Variants in SYT14 observed in about 807,000 individuals in gnomAD.
The protein encoded by SYT14 is synaptotagmin-14.
SYT14 carries 32 observed loss-of-function variants against 74.2 expected under a neutral mutation model. That is an observed-to-expected ratio of 0.43 (90% CI 0.33 to 0.58). The LOEUF (loss-of-function observed/expected upper bound fraction) is 0.58. Ranked by LOEUF, SYT14 falls within the 20% of genes least tolerant of loss-of-function variation. The pLI, the probability that SYT14 is intolerant of heterozygous loss-of-function variation, is 0.05. For synonymous variants in SYT14, 298 were observed against 337.7 expected (o/e 0.88, Z 1.29); for missense variants, 791 against 981.8 (o/e 0.81, Z 2.60).
intron 2 of SYT14, among the ~76,000 whole-genome samples, chr1:210,004,447 G>C (rs560909759): frequency 6.6e-6 from 1 of 151,938 alleles, no homozygotes; most frequent in African/African-American, 2.4e-5. Context: ...ACTGAAAGAC[G>C]TGTCATGGTA....
At chr1:209,972,692 T>G (rs1366520353) in intron 2 of SYT14, among the ~76,000 whole-genome samples, 1 of 152,226 alleles carries the variant, frequency 6.6e-6, no homozygotes, top group Admixed American at 6.5e-5. Flanking sequence ...CTGTTTTTAT[T>G]TCACTGTGAT....
rs957162261 is a variant in SYT14, at chr1:210,078,235, G to A, written c.1313-16087G>A. On this transcript the variant is annotated intron_variant, in intron 5 of 9. Transcript: ENST00000637265. ...TGAGGCAGGAGAATGGCGTGAACCC[G>A]GGAGGCAGAGCTTGCAGTGAGCTGA... Among the ~76,000 whole-genome samples, 8 of 141,778 alleles carry A rather than the reference G, an allele frequency of 5.6e-5. No homozygotes were observed. In the East Asian group the frequency reaches 1.1e-3, roughly 19 times the overall value. 93.0% of individuals were successfully genotyped at this position (141,778 alleles called of 152,430 possible).
At chr1:210,035,295 C>T (rs1425333544) in intron 5 of SYT14, among the ~76,000 whole-genome samples, 2 of 151,540 alleles carry the variant, frequency 1.3e-5, no homozygotes, top group African/African-American at 4.8e-5. Context: ...TTGCATTCCT[C>T]GTAGATTCTG....
chr1:210,166,254 C>A (rs1357617113), exon 10 of SYT14: 2 of 152,178 alleles, frequency 1.3e-5, no homozygotes, highest in Non-Finnish European at 2.9e-5. Flanking sequence ...ACTGTAGTAT[C>A]CTTAAGAATT....
At chr1:209,975,021 A>G (rs963209234) in intron 2 of SYT14, among the ~76,000 whole-genome samples, 14 of 152,110 alleles carry the variant, frequency 9.2e-5, no homozygotes, top group African/African-American at 3.4e-4. Context: ...TTTGTCTGTT[A>G]TTGGTGTATA....
intron 2 of SYT14, among the ~76,000 whole-genome samples, chr1:209,954,751 G>C (rs1035087403): frequency 5.3e-5 from 8 of 150,592 alleles, no homozygotes; most frequent in Non-Finnish European, 8.9e-5. Context: ...TGTCTCCCAG[G>C]CTGGAATGCA....
rs4844940 is a variant in SYT14 at position 210,016,759 on chromosome 1, C to T, written c.756C>T (p.Pro252=). The change falls in exon 4 of 10, where the codon CCC becomes CCT. Residue 252 remains proline (P), a synonymous_variant. Transcript: ENST00000637265. ...ATTTCAATAAATGTAAACATCTTCC[C>T]GATTTAGGGCATTCAGATCATTTAA... 32,559 of 1,231,594 alleles carry T rather than the reference C, an allele frequency of 0.026. 3,937 individuals carry two copies. In the East Asian group the frequency reaches 0.41, roughly 15 times the overall value. 76.3% of individuals were successfully genotyped at this position (1,231,594 alleles called of 1,614,324 possible).
Position 210,021,066 on chromosome 1 carries a change from A to C in SYT14, c.1124A>C (p.His375Pro), listed in dbSNP as rs1317689894. 3.1e-6 allele frequency: 5 copies of C among 1,613,994 alleles called. No individual in the cohort carries two copies. The African/African-American group carries it at 4.0e-5, about 13-fold the overall frequency. Residue 375 changes from histidine (H) to proline (P), a missense_variant, in exon 5 of 10, where the codon CAT (histidine) becomes CCT (proline). Physicochemically the swap from His to Pro is moderately conservative, Grantham distance 77. Coordinates refer to ENST00000637265, the Ensembl canonical transcript of SYT14. Reference sequence around the variant, plus strand: ...AATTCCTACATGGACAAAGATGAGCATGGTTCATCCTCTGAAAGTGAAGAT... The same window carrying C: ...AATTCCTACATGGACAAAGATGAGCCTGGTTCATCCTCTGAAAGTGAAGAT...
chr1:209,974,531 G>A (rs1416030676), intron 2 of SYT14, among the ~76,000 whole-genome samples: 1 of 152,120 alleles, frequency 6.6e-6, no homozygotes, highest in Non-Finnish European at 1.5e-5. Context: ...TAGATATGTG[G>A]CATTATTTCT....
intron 7 of SYT14, among the ~76,000 whole-genome samples, chr1:210,141,249 G>C (rs957077635): frequency 2.0e-5 from 3 of 152,062 alleles, no homozygotes; most frequent in African/African-American, 7.2e-5. Context: ...AAATTTTACA[G>C]TTTTGTTAAA....
At chr1:210,144,884 T>A (rs1206178368) in intron 7 of SYT14, among the ~76,000 whole-genome samples, 1 of 152,112 alleles carries the variant, frequency 6.6e-6, no homozygotes, top group Non-Finnish European at 1.5e-5. Context: ...AGCTCACACT[T>A]CCCCCAGGTG....
At chr1:209,978,634 T>G (rs1000204200) in intron 2 of SYT14, among the ~76,000 whole-genome samples, 2 of 152,184 alleles carry the variant, frequency 1.3e-5, no homozygotes, top group African/African-American at 4.8e-5. Flanking sequence ...TGCCTCCCAG[T>G]AAGGCTACCC....
intron 7 of SYT14, among the ~76,000 whole-genome samples, chr1:210,130,469 A>G (rs954730669): frequency 1.3e-5 from 2 of 152,190 alleles, no homozygotes; most frequent in African/African-American, 4.8e-5. Flanking sequence ...GTGGCATTGA[A>G]GATATTAGAA....
At chr1:210,139,090 A>T (rs1016985737) in intron 7 of SYT14, among the ~76,000 whole-genome samples, 3 of 135,176 alleles carry the variant, frequency 2.2e-5, no homozygotes, top group Non-Finnish European at 4.8e-5. Context: ...GAGTACTTTT[A>T]TTTTTTTTTT....
rs149207538 is a variant in SYT14, at chr1:210,081,988, A to G, written c.1313-12334A>G. ...TCAGTTGTGGAAATTCCTCGATGCT[A>G]TTTGTAGAGAGAAAAGTTAACGTTA... is the stretch of plus-strand genomic sequence containing the variant. On this transcript the variant is annotated intron_variant, in intron 5 of 9. Transcript: ENST00000637265. 1.3e-3 allele frequency among the ~76,000 whole-genome samples: 197 copies of G among 152,288 alleles called. No individual in the cohort carries two copies. In the East Asian group the frequency reaches 0.03, roughly 24 times the overall value.
intron 1 of SYT14, among the ~76,000 whole-genome samples, chr1:209,948,071 T>C (rs1035843553): frequency 6.6e-6 from 1 of 152,256 alleles, no homozygotes; most frequent in African/African-American, 2.4e-5. Flanking sequence ...AACATAACTT[T>C]TGTATGCACT....
chr1:209,971,561 T>A (rs1023900067), intron 2 of SYT14, among the ~76,000 whole-genome samples: 1 of 152,172 alleles, frequency 6.6e-6, no homozygotes, highest in African/African-American at 2.4e-5. Context: ...ATGTTCCTTT[T>A]GCTGCCTAGT....
intron 7 of SYT14, among the ~76,000 whole-genome samples, chr1:210,139,264 TC>T (rs2082862081): frequency 1.4e-5 from 2 of 138,372 alleles, no homozygotes; most frequent in Admixed American, 8.0e-5. Context: ...TTTTCTTTTT[TC>T]TTTTTTTTTT....
At chr1:210,111,532 A>C (rs1041444213) in intron 7 of SYT14, among the ~76,000 whole-genome samples, 11 of 150,926 alleles carry the variant, frequency 7.3e-5, no homozygotes, top group African/African-American at 2.0e-4. Flanking sequence ...TGGTATGGAG[A>C]GATAATGGGC....
Sources: gnomAD v4.1 joint callset for allele counts (sites outside exome capture counted in the v4.1 genomes callset) on GRCh38, gnomAD v4.1.1 for gene constraint, MANE v1.5 for transcripts, NCBI Gene and HGNC (gene_info 2026-07-23, HGNC 2026-07-21) for gene names.